Variants in WDR47 observed in about 807,000 individuals in gnomAD.
WDR47 encodes WD repeat domain 47, also known as WD repeat-containing protein 47.
In WDR47, 32 loss-of-function variants were observed where a neutral mutation model predicts 97.2. The ratio of observed to expected loss-of-function variants is 0.33; its 90% CI spans 0.25 to 0.44. The LOEUF (loss-of-function observed/expected upper bound fraction) is 0.44, where lower values mean the gene tolerates loss of function less well. Ranked by LOEUF, WDR47 falls within the 20% of genes least tolerant of loss-of-function variation. The pLI, the probability that WDR47 is intolerant of heterozygous loss-of-function variation, is 1.00. For missense variants in WDR47, 782 were observed against 1,102.3 expected (o/e 0.71, Z 4.11); for synonymous variants, 375 against 373.5 (o/e 1.00, Z -0.05).
intron 2 of WDR47, among the ~76,000 whole-genome samples, chr1:109,020,946 G>A (rs1661794564): frequency 6.7e-6 from 1 of 150,242 alleles, no homozygotes; most frequent in Non-Finnish European, 1.5e-5. Context: ...GAATACAATG[G>A]TACGATCTCA....
chr1:108,977,282 G>C (rs1043063550), intron 13 of WDR47, among the ~76,000 whole-genome samples: 6 of 152,108 alleles, frequency 3.9e-5, no homozygotes, highest in Admixed American at 2.6e-4. Context: ...CTCCCCAGTA[G>C]CTGGGATTAC....
intron 8 of WDR47, chr1:108,992,280 A>T: frequency 1.1e-6 from 1 of 874,520 alleles, no homozygotes; most frequent in Middle Eastern, 3.3e-4. Context: ...TAATCTGTGA[A>T]AATGGTTCGC....
intron 1 of WDR47, among the ~76,000 whole-genome samples, chr1:109,034,219 C>T (rs183017163): frequency 9.8e-5 from 15 of 152,286 alleles, no homozygotes; most frequent in South Asian, 6.2e-4. Context: ...ACCCAGGAGG[C>T]GGAGGTTGCA....
rs1662478441 is a variant in WDR47 at position 109,029,700 on chromosome 1, TAAATAAATAAATA to T, written c.-9-6192_-9-6180del. Among the ~76,000 whole-genome samples the T allele has an allele frequency of 2.1e-5, 3 of 145,828 alleles. No homozygotes were observed. The Admixed American group carries it at 2.1e-4, about 10-fold the overall frequency. On this transcript the variant is annotated intron_variant, in intron 1 of 14. Coordinates refer to ENST00000369962, the MANE Select transcript of WDR47 (RefSeq NM_001142551.2). Reference sequence around the variant, plus strand: ...ATAAATAAATAAATAAATAAATAAATAAATAAATAAATATTTTTTTAAAAAAATTACCCGGGCG... The same window carrying T: ...ATAAATAAATAAATAAATAAATAAATTTTTTTTAAAAAAATTACCCGGGCG...
chr1:108,999,236 A>G (rs1186444117), intron 7 of WDR47, among the ~76,000 whole-genome samples: 2 of 151,936 alleles, frequency 1.3e-5, no homozygotes, highest in African/African-American at 4.8e-5. Flanking sequence ...CCCAAAAAAA[A>G]AAAAAATTAT....
chr1:109,033,973 T>C (rs960876690), intron 1 of WDR47, among the ~76,000 whole-genome samples: 7 of 152,140 alleles, frequency 4.6e-5, no homozygotes, highest in Non-Finnish European at 1.0e-4. Context: ...TTGAGAGAAT[T>C]TGACAGCATG....
intron 1 of WDR47, among the ~76,000 whole-genome samples, chr1:109,029,516 C>T (rs1283540862): frequency 6.6e-6 from 1 of 151,714 alleles, no homozygotes; most frequent in Non-Finnish European, 1.5e-5. Context: ...AAAAATTAGC[C>T]GGGCGTGGTG....
intron 14 of WDR47, among the ~76,000 whole-genome samples, chr1:108,973,799 C>T (rs1657662662): frequency 6.6e-6 from 1 of 151,978 alleles, no homozygotes; most frequent in Admixed American, 6.6e-5. Flanking sequence ...AGAAGGATGG[C>T]TTGAACCCAG....
chr1:108,977,975 ACACT>A (rs1437585865), intron 13 of WDR47, among the ~76,000 whole-genome samples: 5 of 148,828 alleles, frequency 3.4e-5, no homozygotes, highest in Admixed American at 6.7e-5. Flanking sequence ...CAAAAGCGAA[ACACT>A]CTCTCAAAAA....
chr1:108,979,547 C>A (rs200985217), intron 13 of WDR47, among the ~76,000 whole-genome samples: 15 of 146,974 alleles, frequency 1.0e-4, no homozygotes, highest in Non-Finnish European at 2.0e-4. Flanking sequence ...AACAAAAAAA[C>A]AAAACAAAAG....
At chr1:108,994,518 A>G (rs1289163559) in intron 8 of WDR47, among the ~76,000 whole-genome samples, 1 of 152,152 alleles carries the variant, frequency 6.6e-6, no homozygotes, top group Non-Finnish European at 1.5e-5. Context: ...CTGAGGTAGG[A>G]GGATCACTTA....
chr1:109,008,670 C>G (rs1361769273), intron 5 of WDR47, among the ~76,000 whole-genome samples: 1 of 151,992 alleles, frequency 6.6e-6, no homozygotes, highest in Non-Finnish European at 1.5e-5. Context: ...TGCAGTGGTG[C>G]GATCTAGGCT....
intron 4 of WDR47, 79 bp downstream of exon 4, chr1:109,013,762 A>C: frequency 1.4e-6 from 2 of 1,467,852 alleles, no homozygotes; most frequent in South Asian, 1.2e-5. Context: ...TTGTGATGCT[A>C]ATCCTTCGTT....
intron 13 of WDR47, among the ~76,000 whole-genome samples, chr1:108,981,076 C>T (rs963861034): frequency 1.3e-5 from 2 of 148,522 alleles, no homozygotes; most frequent in African/African-American, 5.0e-5. Flanking sequence ...TGCAGTGAGC[C>T]AAGATCACGC....
chr1:109,039,559 G>C (rs1436225674), intron 1 of WDR47, among the ~76,000 whole-genome samples: 1 of 152,162 alleles, frequency 6.6e-6, no homozygotes, highest in African/African-American at 2.4e-5. Context: ...CGCCCAGCCG[G>C]TATAAACCCT....
intron 5 of WDR47, among the ~76,000 whole-genome samples, chr1:109,005,599 GCA>G (rs1660536948): frequency 6.6e-6 from 1 of 152,200 alleles, no homozygotes; most frequent in South Asian, 2.1e-4. Context: ...GGTGGGCCGG[GCA>G]CAGTGGCTTA....
At chr1:108,991,816 A>T (rs1165899028) in intron 8 of WDR47, among the ~76,000 whole-genome samples, 1 of 152,090 alleles carries the variant, frequency 6.6e-6, no homozygotes, top group African/African-American at 2.4e-5. Flanking sequence ...TCAGCTTTTA[A>T]AATTTTTATT....
chr1:108,988,229 G>C (rs1237817757), intron 9 of WDR47, among the ~76,000 whole-genome samples: 3 of 145,584 alleles, frequency 2.1e-5, no homozygotes, highest in Admixed American at 1.4e-4. Context: ...AGATAGGAAG[G>C]GGGGAGGGGC....
At chr1:109,002,949 G>T (rs1478863278) in intron 6 of WDR47, among the ~76,000 whole-genome samples, 14 of 152,152 alleles carry the variant, frequency 9.2e-5, no homozygotes, top group Non-Finnish European at 1.9e-4. Context: ...AGAACTAAAA[G>T]TAGATCTACC....
Sources: gnomAD v4.1 joint callset for allele counts (sites outside exome capture counted in the v4.1 genomes callset) on GRCh38, gnomAD v4.1.1 for gene constraint, MANE v1.5 for transcripts, NCBI Gene and HGNC (gene_info 2026-07-23, HGNC 2026-07-21) for gene names.